BMP6: variants seen among roughly 807,000 people sequenced by gnomAD.
BMP6 encodes the protein VG-1-R.
A neutral mutation model predicts 54.1 loss-of-function variants in BMP6; 17 were observed. The ratio of observed to expected loss-of-function variants is 0.31; its 90% CI spans 0.22 to 0.47. BMP6 has a LOEUF of 0.47. Ranked by LOEUF, BMP6 falls within the 20% of genes least tolerant of loss-of-function variation. The probability of loss-of-function intolerance (pLI) is 1.00; values close to 1 mark genes in which losing one functional copy is unlikely to be tolerated. For missense variants in BMP6, 720 were observed against 690.4 expected, an observed-to-expected ratio of 1.04 and a Z score of -0.48; for synonymous variants, 328 against 291.2, an observed-to-expected ratio of 1.13 and a Z score of -1.28.
In BMP6 at chr6:7,828,796, C is replaced by T. The variant is rs538472792; in HGVS notation, c.665-16344C>T. Among the ~76,000 whole-genome samples the T allele has an allele frequency of 5.3e-5, 8 of 152,306 alleles. No individual in the cohort carries two copies. The East Asian group carries it at 1.4e-3, about 26-fold the overall frequency. On this transcript the variant is annotated intron_variant, in intron 1 of 6. Transcript: ENST00000283147. ...TTTTCTTTCTCACTGGCTACCGTTT[C>T]GGTGTTGTTGAGGTGAAGAGGGACA...
chr6:7,809,923 C>T (rs1272710119), intron 1 of BMP6, among the ~76,000 whole-genome samples: 2 of 148,282 alleles, frequency 1.3e-5, no homozygotes, highest in African/African-American at 5.0e-5. Flanking sequence ...CATATTAATG[C>T]CAAAATCTCT....
chr6:7,812,810 GA>G (rs1193362877), intron 1 of BMP6, among the ~76,000 whole-genome samples: 1 of 151,780 alleles, frequency 6.6e-6, no homozygotes, highest in Non-Finnish European at 1.5e-5. Flanking sequence ...TTATGTTTCT[GA>G]AAGTGCCGTG....
chr6:7,849,038 T>C (rs1176109205), intron 2 of BMP6, among the ~76,000 whole-genome samples: 2 of 152,216 alleles, frequency 1.3e-5, no homozygotes, highest in African/African-American at 2.4e-5. Flanking sequence ...CCTAAACTAT[T>C]GTCTGCTATG....
intron 1 of BMP6, among the ~76,000 whole-genome samples, chr6:7,832,830 G>T (rs899350957): frequency 6.7e-6 from 1 of 150,296 alleles, no homozygotes; most frequent in Non-Finnish European, 1.5e-5. Flanking sequence ...TCACTTCCAG[G>T]GCAAGTATAT....
intron 1 of BMP6, among the ~76,000 whole-genome samples, chr6:7,791,175 A>G (rs1188106692): frequency 2.0e-5 from 3 of 152,148 alleles, no homozygotes; most frequent in Non-Finnish European, 4.4e-5. Flanking sequence ...GAGGATGGCA[A>G]AGTTCCTTCT....
chr6:7,727,855 G>T (rs1761772860), intron 1 of BMP6, among the ~76,000 whole-genome samples: 1 of 151,494 alleles, frequency 6.6e-6, no homozygotes, highest in Non-Finnish European at 1.5e-5. Flanking sequence ...GCGGCTGGCC[G>T]GCCGGGCCGC....
intron 2 of BMP6, among the ~76,000 whole-genome samples, chr6:7,860,082 A>C (rs1162350038): frequency 6.6e-6 from 1 of 152,204 alleles, no homozygotes; most frequent in Non-Finnish European, 1.5e-5. Flanking sequence ...CTTTGAATCC[A>C]AAACTAGGTC....
chr6:7,821,031 CAG>C (rs1758603999), intron 1 of BMP6, among the ~76,000 whole-genome samples: 5 of 152,260 alleles, frequency 3.3e-5, no homozygotes, highest in Admixed American at 3.3e-4. Context: ...CAATCCCTAA[CAG>C]GGCACAGGCC....
intron 1 of BMP6, among the ~76,000 whole-genome samples, chr6:7,841,052 CA>C (rs1290856842): frequency 7.9e-5 from 12 of 152,222 alleles, no homozygotes; most frequent in African/African-American, 2.2e-4. Flanking sequence ...ATGATTATCA[CA>C]GCTAACATTG....
intron 1 of BMP6, among the ~76,000 whole-genome samples, chr6:7,782,047 G>C (rs1757956346): frequency 1.3e-5 from 2 of 151,342 alleles, no homozygotes; most frequent in African/African-American, 4.8e-5. Flanking sequence ...GTTGAGAAAT[G>C]GTGGTGGCTT....
rs964475583 is a variant in BMP6, at chr6:7,870,642, C to CA, written c.1204+8153dup. Among the ~76,000 whole-genome samples the CA allele has an allele frequency of 8.6e-3, 1,289 of 150,302 alleles. 18 individuals are homozygous for CA. Among genetic ancestry groups the CA allele is most frequent in the African/African-American group, 0.028 (1,161 of 40,982 alleles). ...TTTTTTTAAAAAACAACAACAACAACAAAAAAAAACGGGTCTCACTCTGTT... is the reference window on the plus strand; with the variant it reads ...TTTTTTTAAAAAACAACAACAACAACAAAAAAAAAACGGGTCTCACTCTGTT... On this transcript the variant is annotated intron_variant, in intron 4 of 6. Coordinates refer to ENST00000283147, the MANE Select transcript of BMP6 (RefSeq NM_001718.6).
At chr6:7,747,751 A>G in intron 1 of BMP6, among the ~76,000 whole-genome samples, 1 of 151,900 alleles carries the variant, frequency 6.6e-6, no homozygotes. Context: ...GGCTCAAGCG[A>G]TCCTCTCGCC....
At chr6:7,779,627 A>G (rs1434781785) in intron 1 of BMP6, among the ~76,000 whole-genome samples, 3 of 152,334 alleles carry the variant, frequency 2.0e-5, no homozygotes, top group Admixed American at 6.5e-5. Context: ...GGCGTGAGCC[A>G]CTGAGCCCAG....
intron 1 of BMP6, among the ~76,000 whole-genome samples, chr6:7,747,006 C>G (rs542400768): frequency 6.6e-6 from 1 of 152,166 alleles, no homozygotes; most frequent in Non-Finnish European, 1.5e-5. Flanking sequence ...CAGTTCAAAC[C>G]GGTGACACAC....
At chr6:7,856,452 A>G (rs1469287077) in intron 2 of BMP6, among the ~76,000 whole-genome samples, 9 of 152,228 alleles carry the variant, frequency 5.9e-5, no homozygotes. Context: ...GTTGTTTTGT[A>G]TTTTAATGTA....
At chr6:7,774,048 T>G (rs1031041037) in intron 1 of BMP6, among the ~76,000 whole-genome samples, 1 of 152,190 alleles carries the variant, frequency 6.6e-6, no homozygotes, top group African/African-American at 2.4e-5. Flanking sequence ...GGAGGTATAG[T>G]CCTGGGCCAA....
intron 2 of BMP6, among the ~76,000 whole-genome samples, chr6:7,853,648 C>T (rs192194671): frequency 2.0e-5 from 3 of 152,196 alleles, no homozygotes; most frequent in Non-Finnish European, 4.4e-5. Context: ...CTGTGCCCAG[C>T]CACACCTTTT....
chr6:7,795,424 C>A (rs1758177494), intron 1 of BMP6, among the ~76,000 whole-genome samples: 1 of 152,070 alleles, frequency 6.6e-6, no homozygotes, highest in African/African-American at 2.4e-5. Context: ...AGGAACAAAG[C>A]AAGGCAGTGG....
intron 4 of BMP6, among the ~76,000 whole-genome samples, chr6:7,877,791 G>C (rs994940183): frequency 1.3e-5 from 2 of 152,276 alleles, no homozygotes; most frequent in Non-Finnish European, 2.9e-5. Flanking sequence ...AAATGACCTA[G>C]GCTCTTACAC....
Sources: allele counts gnomAD v4.1 joint callset (sites outside exome capture counted in the v4.1 genomes callset), GRCh38; gene constraint gnomAD v4.1.1; transcripts MANE v1.5; gene names NCBI Gene and HGNC (gene_info 2026-07-23, HGNC 2026-07-21).